The following TEK variants were observed in gnomAD, a reference collection of about 807,000 sequenced individuals.
TEK encodes the protein angiopoietin-1 receptor.
Under a neutral mutation model 131.8 loss-of-function variants are expected in TEK, and 43 were observed. The observed-to-expected ratio is 0.33, with a 90% CI of 0.26 to 0.42. TEK has a LOEUF of 0.42. Ranked by LOEUF, TEK falls within the 10% of genes least tolerant of loss-of-function variation. The pLI, the probability that TEK is intolerant of heterozygous loss-of-function variation, is 1.00. For synonymous variants in TEK, 580 were observed against 491.6 expected (o/e 1.18, Z -2.38); for missense variants, 1,162 against 1,384.4 (o/e 0.84, Z 2.55).
At chr9:27,207,907 C>T (rs995242246) in intron 15 of TEK, among the ~76,000 whole-genome samples, 13 of 152,148 alleles carry the variant, frequency 8.5e-5, no homozygotes, top group African/African-American at 3.1e-4. Context: ...AAACTACTTG[C>T]AAAACAGCCA....
At chr9:27,170,848 C>T (rs1823928311) in intron 4 of TEK, among the ~76,000 whole-genome samples, 1 of 152,166 alleles carries the variant, frequency 6.6e-6, no homozygotes, top group African/African-American at 2.4e-5. Context: ...GAGCTATAGA[C>T]AAGGGTGGAG....
intron 1 of TEK, among the ~76,000 whole-genome samples, chr9:27,149,732 G>T (rs1438090871): frequency 6.6e-6 from 1 of 152,168 alleles, no homozygotes; most frequent in Non-Finnish European, 1.5e-5. Context: ...TTTGTTCAGT[G>T]CTGTCTTGGA....
At chr9:27,223,897 C>G (rs1412880474) in intron 21 of TEK, among the ~76,000 whole-genome samples, 1 of 152,084 alleles carries the variant, frequency 6.6e-6, no homozygotes, top group Non-Finnish European at 1.5e-5. Context: ...AGAGAACAAT[C>G]AAATAGATGC....
chr9:27,165,196 A>C (rs1425212760), intron 2 of TEK, among the ~76,000 whole-genome samples: 5 of 152,232 alleles, frequency 3.3e-5, no homozygotes, highest in African/African-American at 9.6e-5. Flanking sequence ...AATTGAGCCT[A>C]CTGGGGAACC....
chr9:27,154,230 A>C (rs1482409562), intron 1 of TEK, among the ~76,000 whole-genome samples: 1 of 152,094 alleles, frequency 6.6e-6, no homozygotes, highest in Non-Finnish European at 1.5e-5. Context: ...GGTCTGTTAC[A>C]TAGGTATACA....
chr9:27,172,584 A>C (rs1213796487), intron 4 of TEK, 32 bp from the exon 5 acceptor site: 2 of 1,612,392 alleles, frequency 1.2e-6, no homozygotes, highest in South Asian at 2.2e-5. Flanking sequence ...AATGCGCTCT[A>C]CTCACCACAG....
At chr9:27,191,955 A>T (rs1295134472) in intron 10 of TEK, 1 of 455,734 alleles carries the variant, frequency 2.2e-6, no homozygotes, top group Non-Finnish European at 4.4e-6. Flanking sequence ...GAGGCTGACT[A>T]AAGCAAATAG....
rs777763453 is a variant in TEK, at chr9:27,205,056, C to T, written c.2355C>T (p.Phe785=). ...ANVQRRMAQA[F]QNVREEPAVQ... ...TGCAAAGGAGAATGGCCCAAGCCTTCCAAAACGTGGTAGTGTCTCATCTTC... is the reference window on the plus strand; with the variant it reads ...TGCAAAGGAGAATGGCCCAAGCCTTTCAAAACGTGGTAGTGTCTCATCTTC... Residue 785 remains phenylalanine (F), a synonymous_variant, in exon 14 of 23, where the codon TTC becomes TTT. Transcript: ENST00000380036. 5.6e-6 allele frequency: 9 copies of T among 1,613,806 alleles called. No homozygotes were observed. Among genetic ancestry groups the T allele is most frequent in the Non-Finnish European group, 7.6e-6 (9 of 1,179,892 alleles).
At chr9:27,190,922 T>C (rs1824793743) in intron 10 of TEK, among the ~76,000 whole-genome samples, 1 of 152,126 alleles carries the variant, frequency 6.6e-6, no homozygotes, top group Non-Finnish European at 1.5e-5. Flanking sequence ...GCTCACACCA[T>C]GAGTTACTAT....
intron 7 of TEK, 52 bp from the exon 8 acceptor site, chr9:27,183,407 G>C (rs1486535030): frequency 6.3e-7 from 1 of 1,590,658 alleles, no homozygotes; most frequent in East Asian, 2.2e-5. Flanking sequence ...TATTACTACT[G>C]CTGCTGGCTC....
chr9:27,221,630 A>C (rs1474546660), intron 21 of TEK, among the ~76,000 whole-genome samples: 1 of 152,176 alleles, frequency 6.6e-6, no homozygotes, highest in Non-Finnish European at 1.5e-5. Flanking sequence ...CAGGGTCTGG[A>C]GTGGACCTCC....
chr9:27,135,631 C>T (rs1822396371), intron 1 of TEK, among the ~76,000 whole-genome samples: 1 of 152,010 alleles, frequency 6.6e-6, no homozygotes, highest in Non-Finnish European at 1.5e-5. Context: ...AAATAAGTAC[C>T]ACCAGCTTCA....
chr9:27,120,118 T>C (rs1821725309), intron 1 of TEK, among the ~76,000 whole-genome samples: 1 of 152,208 alleles, frequency 6.6e-6, no homozygotes, highest in Non-Finnish European at 1.5e-5. Flanking sequence ...AAGAAGACGG[T>C]GGTGGCAGTG....
chr9:27,224,352 A>C (rs1826218816), intron 21 of TEK, among the ~76,000 whole-genome samples: 1 of 152,146 alleles, frequency 6.6e-6, no homozygotes, highest in Non-Finnish European at 1.5e-5. Flanking sequence ...TTGATGCGAA[A>C]ATTCTCAATA....
At chr9:27,169,290 A>C (rs1051093504) in intron 3 of TEK, among the ~76,000 whole-genome samples, 187 bp from the exon 4 acceptor site, 1 of 152,204 alleles carries the variant, frequency 6.6e-6, no homozygotes, top group Admixed American at 6.5e-5. Flanking sequence ...CTGTTCTATC[A>C]CTATGACTTT....
At position 27,229,429 on chromosome 9, in the gene TEK, T is replaced by C; in HGVS notation, c.*197T>C. Reference sequence around the variant, plus strand: ...CTGACTCTAATAGGACTGTATATACTGTTTTAAGAATGGGCTGAAATCAGA... The same window carrying C: ...CTGACTCTAATAGGACTGTATATACCGTTTTAAGAATGGGCTGAAATCAGA... On this transcript the variant is annotated 3_prime_UTR_variant, in exon 23 of 23. Transcript: ENST00000380036. 1.6e-6 allele frequency: 1 copy of C among 616,108 alleles called. No homozygotes were observed. Among genetic ancestry groups the C allele is most frequent in the Non-Finnish European group, 2.9e-6 (1 of 342,078 alleles). The allele number at this position is 616,108 out of a possible 1,614,324, so 38.2% of individuals were successfully genotyped here.
chr9:27,189,143 C>A (rs1282739648), intron 9 of TEK, among the ~76,000 whole-genome samples: 1 of 152,140 alleles, frequency 6.6e-6, no homozygotes, highest in East Asian at 1.9e-4. Context: ...ACGAGTTATG[C>A]ATTTCTAAGA....
chr9:27,220,624 TGGTTAGACAGTG>T (rs1826026145), intron 21 of TEK, among the ~76,000 whole-genome samples: 1 of 152,190 alleles, frequency 6.6e-6, no homozygotes. Context: ...TCATAGGGAC[TGGTTAGACAGTG>T]GGTACAGCCC....
chr9:27,228,922 A>G (rs1310878497), intron 22 of TEK, among the ~76,000 whole-genome samples: 1 of 152,212 alleles, frequency 6.6e-6, no homozygotes, highest in Non-Finnish European at 1.5e-5. Flanking sequence ...ACTGTGAGAA[A>G]GGCAAGCTCA....
Sources: gnomAD v4.1 joint callset for allele counts (sites outside exome capture counted in the v4.1 genomes callset) on GRCh38, gnomAD v4.1.1 for gene constraint, MANE v1.5 for transcripts, NCBI Gene and HGNC (gene_info 2026-07-23, HGNC 2026-07-21) for gene names.